The following RBMS3 variants were observed in gnomAD, a reference collection of about 807,000 sequenced individuals.
The protein encoded by RBMS3 is RNA binding motif single stranded interacting protein 3.
In RBMS3, 27 loss-of-function variants were observed where a neutral mutation model predicts 66.8. The ratio of observed to expected loss-of-function variants is 0.40; its 90% CI spans 0.30 to 0.56. The LOEUF (loss-of-function observed/expected upper bound fraction) is 0.56. Among genes scored for constraint, RBMS3 ranks in the 20% least tolerant of loss-of-function variants. The pLI, the probability that RBMS3 is intolerant of heterozygous loss-of-function variation, is 0.40. For missense variants in RBMS3, 513 were observed against 549.5 expected (o/e 0.93, Z 0.66); for synonymous variants, 188 against 183.0 (o/e 1.03, Z -0.22).
chr3:29,417,758 T>C (rs1165690107), intron 1 of RBMS3, among the ~76,000 whole-genome samples: 1 of 152,078 alleles, frequency 6.6e-6, no homozygotes. Context: ...AGTTTGAGAA[T>C]TTAAACTAGT....
chr3:29,605,368 A>G (rs1269799161), intron 4 of RBMS3, among the ~76,000 whole-genome samples: 1 of 151,944 alleles, frequency 6.6e-6, no homozygotes, highest in African/African-American at 2.4e-5. Context: ...ATTTCAATAT[A>G]TAGAATCATA....
At chr3:29,796,200 G>A (rs945385723) in intron 6 of RBMS3, among the ~76,000 whole-genome samples, 2 of 152,180 alleles carry the variant, frequency 1.3e-5, no homozygotes, top group Admixed American at 1.3e-4. Context: ...TGGGCTTCAA[G>A]TAATCCTCCT....
chr3:29,972,802 T>A (rs1219739838), intron 12 of RBMS3, among the ~76,000 whole-genome samples: 1 of 152,104 alleles, frequency 6.6e-6, no homozygotes, highest in Non-Finnish European at 1.5e-5. Flanking sequence ...CCTTTCTCTT[T>A]GGCTAAAGCA....
intron 4 of RBMS3, among the ~76,000 whole-genome samples, chr3:29,619,496 T>A: frequency 6.6e-6 from 1 of 152,132 alleles, no homozygotes. Context: ...AGGCATGTAG[T>A]TGGGAGATCT....
intron 4 of RBMS3, among the ~76,000 whole-genome samples, chr3:29,671,590 G>C (rs977858550): frequency 2.6e-5 from 4 of 152,268 alleles, no homozygotes; most frequent in African/African-American, 7.2e-5. Flanking sequence ...GACCTTAAAT[G>C]ACCTGACAGA....
chr3:29,846,886 A>G (rs767653898), intron 6 of RBMS3, among the ~76,000 whole-genome samples: 4 of 152,194 alleles, frequency 2.6e-5, no homozygotes, highest in African/African-American at 7.2e-5. Context: ...AAAAAGAACT[A>G]TGTTGTGGGT....
chr3:29,532,358 A>G lies in RBMS3; in HGVS notation c.307+43859A>G, dbSNP rs547459041. Among the ~76,000 whole-genome samples the G allele has an allele frequency of 4.7e-5, 7 of 149,766 alleles. No individual in the cohort carries two copies. The South Asian group carries it at 1.1e-3, about 23-fold the overall frequency. ...TCCTAAGACAAGAGTCCCTTGGACT[A>G]CCAGTTTTCAACATACATTTCTTAG... is the stretch of plus-strand genomic sequence containing the variant. On this transcript the variant is annotated intron_variant, in intron 3 of 14. Coordinates refer to ENST00000383767, the MANE Select transcript of RBMS3 (RefSeq NM_001003793.3).
intron 12 of RBMS3, among the ~76,000 whole-genome samples, chr3:29,970,292 G>A (rs1036821313): frequency 1.3e-5 from 2 of 152,084 alleles, no homozygotes; most frequent in African/African-American, 4.8e-5. Context: ...AAGAAACTAG[G>A]TGAGACCAGA....
chr3:29,392,853 T>G (rs1005050077), intron 1 of RBMS3, among the ~76,000 whole-genome samples: 6 of 151,990 alleles, frequency 3.9e-5, no homozygotes, highest in African/African-American at 1.4e-4. Context: ...TGCCAGTCAC[T>G]TCACTGCAGT....
Position 29,448,262 on chromosome 3 carries a change from G to C in RBMS3, c.248+13347G>C, listed in dbSNP as rs74938293. Among the ~76,000 whole-genome samples the C allele has an allele frequency of 7.6e-3, 1,163 of 152,320 alleles. 34 individuals are homozygous for C. Among genetic ancestry groups the C allele is most frequent in the Admixed American group, 0.065 (991 of 15,288 alleles). ...GTATGAACTTGAAATGAGGTTATCA[G>C]AGTATGACTGTAAAAGGCTCTCCCC... On this transcript the variant is annotated intron_variant, in intron 2 of 14. Coordinates refer to ENST00000383767, the MANE Select transcript of RBMS3 (RefSeq NM_001003793.3).
chr3:29,463,194 C>T (rs571203748), intron 2 of RBMS3, among the ~76,000 whole-genome samples: 1 of 152,284 alleles, frequency 6.6e-6, no homozygotes, highest in East Asian at 1.9e-4. Flanking sequence ...TATTTGTTAA[C>T]ATTTAACCTA....
At chr3:29,839,260 A>G (rs999431837) in intron 6 of RBMS3, among the ~76,000 whole-genome samples, 42 of 152,208 alleles carry the variant, frequency 2.8e-4, no homozygotes, top group African/African-American at 9.9e-4. Flanking sequence ...TCACTTCCCA[A>G]AGAATTTCCT....
intron 6 of RBMS3, among the ~76,000 whole-genome samples, chr3:29,808,336 C>T (rs1212632087): frequency 2.0e-5 from 3 of 151,944 alleles, no homozygotes; most frequent in Non-Finnish European, 4.4e-5. Context: ...GGCTTCTTCT[C>T]TTTTTCTTTT....
intron 7 of RBMS3, among the ~76,000 whole-genome samples, chr3:29,876,982 A>C (rs748677589): frequency 6.6e-6 from 1 of 152,206 alleles, no homozygotes; most frequent in Admixed American, 6.5e-5. Flanking sequence ...TCCTCATAAC[A>C]CAATGGTGTG....
At chr3:29,504,228 A>G (rs960219008) in intron 3 of RBMS3, among the ~76,000 whole-genome samples, 2 of 152,104 alleles carry the variant, frequency 1.3e-5, no homozygotes, top group African/African-American at 4.8e-5. Flanking sequence ...AGTAGGGGAA[A>G]AAAATGACCT....
intron 7 of RBMS3, among the ~76,000 whole-genome samples, chr3:29,882,283 T>C (rs2059754600): frequency 6.6e-6 from 1 of 152,140 alleles, no homozygotes; most frequent in Non-Finnish European, 1.5e-5. Flanking sequence ...TCTTTGTTCA[T>C]CTTGACACCA....
chr3:29,878,652 C>A (rs2059666354), intron 7 of RBMS3, among the ~76,000 whole-genome samples: 1 of 152,020 alleles, frequency 6.6e-6, no homozygotes, highest in South Asian at 2.1e-4. Flanking sequence ...AATGATATGC[C>A]CTTTTTTCCC....
chr3:29,998,392 C>T (rs975236026), intron 14 of RBMS3, among the ~76,000 whole-genome samples: 16 of 151,684 alleles, frequency 1.1e-4, no homozygotes, highest in Non-Finnish European at 1.9e-4. Context: ...CAATGACTTT[C>T]TTCACAGAAT....
chr3:29,359,753 CT>C (rs1031746743), intron 1 of RBMS3, among the ~76,000 whole-genome samples: 85 of 152,278 alleles, frequency 5.6e-4, no homozygotes, highest in African/African-American at 2.0e-3. Flanking sequence ...AGAGATTCAA[CT>C]TCTTCCTGGT....
Sources: gnomAD v4.1 joint callset for allele counts (sites outside exome capture counted in the v4.1 genomes callset) on GRCh38, gnomAD v4.1.1 for gene constraint, MANE v1.5 for transcripts, NCBI Gene and HGNC (gene_info 2026-07-23, HGNC 2026-07-21) for gene names.